KATNIP: variants seen among roughly 807,000 people sequenced by gnomAD.
KATNIP encodes the protein katanin-interacting protein.
Under a neutral mutation model 174.0 loss-of-function variants are expected in KATNIP, and 126 were observed. The ratio of observed to expected loss-of-function variants is 0.72; its 90% CI spans 0.63 to 0.84. The LOEUF (loss-of-function observed/expected upper bound fraction) is 0.84. KATNIP is among the 40% of genes least tolerant of loss of function. The pLI, the probability that KATNIP is intolerant of heterozygous loss-of-function variation, is 0.00. For synonymous variants in KATNIP, 810 were observed against 835.7 expected, an observed-to-expected ratio of 0.97 and a Z score of 0.53; for missense variants, 1,958 against 2,109.7, an observed-to-expected ratio of 0.93 and a Z score of 1.41.
At chr16:27,607,099 C>G (rs564527419) in intron 2 of KATNIP, among the ~76,000 whole-genome samples, 2 of 152,106 alleles carry the variant, frequency 1.3e-5, no homozygotes, top group South Asian at 4.2e-4. Flanking sequence ...ATCACATGGC[C>G]GGGGAGATGG....
chr16:27,681,392 C>T lies in KATNIP; in HGVS notation c.809-7C>T. ...GCGTCTTACATGAAACAATTGTTTT[C>T]CTACAGGTCATAAAAGGGAAAGGAA... On this transcript the variant is annotated splice_polypyrimidine_tract_variant and splice_region_variant and intron_variant, in intron 7 of 27. Coordinates refer to ENST00000261588, the MANE Select transcript of KATNIP (RefSeq NM_015202.5). 6.2e-7 allele frequency: 1 copy of T among 1,614,134 alleles called. No individual in the cohort carries two copies. The highest frequency in any genetic ancestry group is 1.3e-5 in the African/African-American group (1 of 75,046).
At chr16:27,709,003 T>C in intron 13 of KATNIP, 83 bp downstream of exon 13, 1 of 1,151,474 alleles carries the variant, frequency 8.7e-7, no homozygotes, top group Non-Finnish European at 1.3e-6. Flanking sequence ...GTGTTAAGGG[T>C]ATGAGTGGAG....
intron 5 of KATNIP, among the ~76,000 whole-genome samples, chr16:27,642,005 G>C (rs982523336): frequency 7.9e-5 from 12 of 152,234 alleles, no homozygotes; most frequent in African/African-American, 2.9e-4. Context: ...CCGGCTAGAA[G>C]GCCTCCTGGT....
chr16:27,744,319 A>G (rs1206527958), intron 15 of KATNIP, among the ~76,000 whole-genome samples: 1 of 152,090 alleles, frequency 6.6e-6, no homozygotes, highest in African/African-American at 2.4e-5. Flanking sequence ...TGAGGCCAGG[A>G]GTTCAAGACC....
intron 2 of KATNIP, among the ~76,000 whole-genome samples, chr16:27,611,442 G>A (rs1194089255): frequency 6.6e-6 from 1 of 152,198 alleles, no homozygotes; most frequent in Non-Finnish European, 1.5e-5. Context: ...AAAAGGGGTA[G>A]AATCTTGCCT....
At chr16:27,590,777 C>T (rs2075137510) in intron 2 of KATNIP, among the ~76,000 whole-genome samples, 1 of 151,948 alleles carries the variant, frequency 6.6e-6, no homozygotes, top group Admixed American at 6.5e-5. Context: ...CCGGGCCCAC[C>T]TTCACCTTTT....
intron 2 of KATNIP, among the ~76,000 whole-genome samples, chr16:27,611,113 G>A (rs1042112620): frequency 5.3e-5 from 8 of 152,288 alleles, no homozygotes; most frequent in East Asian, 3.9e-4. Context: ...ATGGGTGCAC[G>A]TCCTCAACCT....
At position 27,623,736 on chromosome 16, in the gene KATNIP, G is replaced by A. The variant is rs2076257780; in HGVS notation, c.141-4925G>A. On this transcript the variant is annotated intron_variant, in intron 3 of 27. Coordinates refer to ENST00000261588, the MANE Select transcript of KATNIP (RefSeq NM_015202.5). ...TGATCCTTGGGGAAACCCCTCAGGC[G>A]ACCTGAGATGACCGAGATCTGGAGG... Among the ~76,000 whole-genome samples, 3 of 152,012 alleles carry A rather than the reference G, an allele frequency of 2.0e-5. No homozygotes were observed. The South Asian group carries it at 6.2e-4, about 32-fold the overall frequency.
At chr16:27,734,613 C>T (rs1334595115) in intron 14 of KATNIP, among the ~76,000 whole-genome samples, 1 of 152,110 alleles carries the variant, frequency 6.6e-6, no homozygotes, top group East Asian at 1.9e-4. Context: ...ACGAGAATCG[C>T]TTGAACCTGG....
At position 27,628,704 on chromosome 16, in the gene KATNIP, C is replaced by T; in HGVS notation, c.184C>T (p.Leu62=). Reference sequence around the variant, plus strand: ...AAGCAAGGACCCCGTGCAATTGAGGCTGGAGCACTTGGAGCAAGGTTTCTC... The same window carrying T: ...AAGCAAGGACCCCGTGCAATTGAGGTTGGAGCACTTGGAGCAAGGTTTCTC... ...LKSKDPVQLR[L]EHLEQGFSVY... Residue 62 remains leucine (L), a synonymous_variant, in exon 4 of 28, where the codon CTG becomes TTG. Coordinates refer to ENST00000261588, the MANE Select transcript of KATNIP (RefSeq NM_015202.5). 6.2e-7 allele frequency: 1 copy of T among 1,614,208 alleles called. No individual in the cohort carries two copies. Among genetic ancestry groups the T allele is most frequent in the South Asian group, 1.1e-5 (1 of 91,084 alleles).
At chr16:27,641,782 AG>A (rs1357585974) in intron 5 of KATNIP, among the ~76,000 whole-genome samples, 1 of 152,244 alleles carries the variant, frequency 6.6e-6, no homozygotes, top group East Asian at 1.9e-4. Flanking sequence ...ACAAATTCCC[AG>A]GAGATACCAA....
At position 27,637,440 on chromosome 16, in the gene KATNIP, C is replaced by T. The variant is rs541328727; in HGVS notation, c.408+6278C>T. Among the ~76,000 whole-genome samples, 10 of 152,128 alleles carry T rather than the reference C, an allele frequency of 6.6e-5. No individual in the cohort carries two copies. The highest frequency in any genetic ancestry group is 4.2e-4 in the South Asian group (2 of 4,808). On this transcript the variant is annotated intron_variant, in intron 5 of 27. Transcript: ENST00000261588. The surrounding 1 kb of genome is among the most constrained non-coding windows in gnomAD (Gnocchi z 4.7). The stretch of plus-strand genomic sequence containing the variant: ...AAGGACCAAAGGCAAGCAAGGGAGT[C>T]GGAAGACAGTGCTACGAAGGAAGGA...
At chr16:27,735,165 C>T (rs908727323) in intron 14 of KATNIP, among the ~76,000 whole-genome samples, 10 of 152,124 alleles carry the variant, frequency 6.6e-5, no homozygotes, top group South Asian at 2.1e-4. Context: ...CCCTGTGACC[C>T]CTGCATACCA....
At chr16:27,643,590 CAAAAAAAA>C (rs562253355) in intron 5 of KATNIP, among the ~76,000 whole-genome samples, 1 of 40,486 alleles carries the variant, frequency 2.5e-5, no homozygotes, top group Non-Finnish European at 4.0e-5. Context: ...GACTCTGTCT[CAAAAAAAA>C]AAAAAAAAAA....
chr16:27,750,418 T>TA, intron 16 of KATNIP, 112 bp downstream of exon 16: 205 of 1,054,130 alleles, frequency 1.9e-4, no homozygotes, highest in Non-Finnish European at 2.5e-4. Flanking sequence ...CCTTTCTCTT[T>TA]CTTTTTTTTT....
intron 14 of KATNIP, among the ~76,000 whole-genome samples, chr16:27,728,521 C>T (rs192097729): frequency 6.6e-6 from 1 of 152,184 alleles, no homozygotes; most frequent in Admixed American, 6.5e-5. Context: ...AACTCTACCC[C>T]CTGGGTTCAA....
At chr16:27,658,329 G>A (rs2077364439) in intron 6 of KATNIP, among the ~76,000 whole-genome samples, 1 of 152,156 alleles carries the variant, frequency 6.6e-6, no homozygotes, top group Non-Finnish European at 1.5e-5. Flanking sequence ...GAACTTTTAA[G>A]CTAATAGAAT....
intron 6 of KATNIP, among the ~76,000 whole-genome samples, chr16:27,670,089 T>G (rs2077841561): frequency 6.6e-6 from 1 of 152,218 alleles, no homozygotes; most frequent in African/African-American, 2.4e-5. Flanking sequence ...GAAATTCAAA[T>G]TTCTTTATCA....
At position 27,777,504 on chromosome 16, in the gene KATNIP, G is replaced by T; in HGVS notation, c.4552-106G>T. The T allele has an allele frequency of 9.1e-7, 1 of 1,100,764 alleles. No individual in the cohort carries two copies. Among genetic ancestry groups the T allele is most frequent in the East Asian group, 2.5e-5 (1 of 39,816 alleles). 68.2% of individuals were successfully genotyped at this position (1,100,764 alleles called of 1,614,324 possible). Reference sequence around the variant, plus strand: ...GTAGGCGCTTGTTCCTGACAGCCCCGTCTTCCCGAGGAGAAAGCCTTGGCT... The same window carrying T: ...GTAGGCGCTTGTTCCTGACAGCCCCTTCTTCCCGAGGAGAAAGCCTTGGCT... On this transcript the variant is annotated intron_variant, in intron 25 of 27. Transcript: ENST00000261588. This position sits in a 1 kb window ranked among gnomAD's most constrained non-coding sequence, Gnocchi z 4.4.
Sources: allele counts gnomAD v4.1 joint callset (sites outside exome capture counted in the v4.1 genomes callset), GRCh38; gene constraint gnomAD v4.1.1; non-coding constraint Gnocchi (gnomAD v3.1); transcripts MANE v1.5; gene names NCBI Gene and HGNC (gene_info 2026-07-23, HGNC 2026-07-21).